EPHB1: variants seen among roughly 807,000 people sequenced by gnomAD.
EPHB1 encodes the protein ephrin type-B receptor 1.
In EPHB1, 30 loss-of-function variants were observed where a neutral mutation model predicts 94.4. That is an observed-to-expected ratio of 0.32 (90% CI 0.24 to 0.43). EPHB1 has a LOEUF of 0.43. Ranked by LOEUF, EPHB1 falls within the 20% of genes least tolerant of loss-of-function variation. The pLI is 1.00. For missense variants in EPHB1, 1,055 were observed against 1,308.3 expected (o/e 0.81, Z 2.99); for synonymous variants, 522 against 489.1 (o/e 1.07, Z -0.89).
At chr3:135,046,465 A>G (rs1375605988) in intron 3 of EPHB1, among the ~76,000 whole-genome samples, 5 of 151,054 alleles carry the variant, frequency 3.3e-5, no homozygotes, top group South Asian at 2.1e-4. Flanking sequence ...CTTAACATCT[A>G]TAAAAATTCC....
chr3:135,068,883 C>T (rs1404771115), intron 3 of EPHB1, among the ~76,000 whole-genome samples: 6 of 151,312 alleles, frequency 4.0e-5, no homozygotes, highest in Non-Finnish European at 3.0e-5. Flanking sequence ...CTCCTGACCT[C>T]GTGATCTGCC....
chr3:135,153,568 T>C (rs1941259642), intron 5 of EPHB1, among the ~76,000 whole-genome samples: 1 of 152,226 alleles, frequency 6.6e-6, no homozygotes, highest in Non-Finnish European at 1.5e-5. Context: ...CATACCTCTG[T>C]TGTTGGTCTG....
intron 3 of EPHB1, among the ~76,000 whole-genome samples, chr3:135,032,249 T>A (rs1936498207): frequency 6.6e-6 from 1 of 151,192 alleles, no homozygotes; most frequent in Admixed American, 6.6e-5. Context: ...CTTTTATTTT[T>A]TTTTTTAAAT....
At chr3:135,106,255 A>T (rs9866494) in intron 3 of EPHB1, among the ~76,000 whole-genome samples, 193 bp from the exon 4 acceptor site, 51,249 of 152,138 alleles carry the variant, frequency 0.34, 9,092 homozygotes, top group South Asian at 0.42. Flanking sequence ...TACCAAGAAG[A>T]TATATTTCAC....
intron 1 of EPHB1, among the ~76,000 whole-genome samples, chr3:134,886,848 G>A (rs2037872931): frequency 6.6e-6 from 1 of 152,076 alleles, no homozygotes; most frequent in Admixed American, 6.5e-5. Context: ...AGTGACTGAT[G>A]GAGCTGAGGA....
chr3:135,243,400 G>A (rs1389255935), intron 13 of EPHB1, among the ~76,000 whole-genome samples: 1 of 152,192 alleles, frequency 6.6e-6, no homozygotes, highest in Non-Finnish European at 1.5e-5. Flanking sequence ...TTGAGTGGAG[G>A]AGGTAAGGGA....
At chr3:135,185,944 T>C (rs1942316507) in intron 10 of EPHB1, among the ~76,000 whole-genome samples, 1 of 152,222 alleles carries the variant, frequency 6.6e-6, no homozygotes, top group Non-Finnish European at 1.5e-5. Context: ...GGAGAGAGCA[T>C]GGTCCTCATA....
At chr3:134,894,614 G>A (rs938215579) in intron 1 of EPHB1, among the ~76,000 whole-genome samples, 3 of 152,152 alleles carry the variant, frequency 2.0e-5, no homozygotes, top group Admixed American at 6.5e-5. Flanking sequence ...AGAGGGCTCT[G>A]GAAGAACAAT....
chr3:134,971,909 G>A (rs57707921), intron 3 of EPHB1, among the ~76,000 whole-genome samples: 1 of 152,132 alleles, frequency 6.6e-6, no homozygotes, highest in East Asian at 1.9e-4. Context: ...TTCAATGGGA[G>A]GAGCTGCTGA....
chr3:134,828,964 G>A (rs1203117883), intron 1 of EPHB1, among the ~76,000 whole-genome samples: 1 of 152,214 alleles, frequency 6.6e-6, no homozygotes, highest in Non-Finnish European at 1.5e-5. Flanking sequence ...AGCTGGCAGG[G>A]TTGGGGCCTT....
chr3:135,251,652 A>C (rs1933104551), intron 15 of EPHB1, among the ~76,000 whole-genome samples: 1 of 152,238 alleles, frequency 6.6e-6, no homozygotes, highest in African/African-American at 2.4e-5. Context: ...AAATTCAAGC[A>C]TGCTTCCCTA....
chr3:135,111,518 G>T (rs977729975), intron 4 of EPHB1, among the ~76,000 whole-genome samples: 1 of 152,144 alleles, frequency 6.6e-6, no homozygotes, highest in Non-Finnish European at 1.5e-5. Context: ...CTAGAAAGCT[G>T]CAGGGAGGGG....
chr3:135,073,669 CT>C (rs1236122867), intron 3 of EPHB1, among the ~76,000 whole-genome samples: 3 of 151,566 alleles, frequency 2.0e-5, no homozygotes, highest in East Asian at 1.9e-4. Flanking sequence ...GTCTTTCTCT[CT>C]TTTTTTTTAA....
At chr3:134,906,012 G>A (rs189817713) in intron 1 of EPHB1, among the ~76,000 whole-genome samples, 9 of 152,244 alleles carry the variant, frequency 5.9e-5, no homozygotes, top group African/African-American at 7.2e-5. Flanking sequence ...AGACTCTTCC[G>A]AGAGCCCAGG....
chr3:134,903,707 A>G (rs1032167258), intron 1 of EPHB1, among the ~76,000 whole-genome samples: 1 of 152,206 alleles, frequency 6.6e-6, no homozygotes, highest in Non-Finnish European at 1.5e-5. Context: ...TGGAGGGACC[A>G]AAGGTAAGAA....
At chr3:135,087,097 C>T (rs1407635150) in intron 3 of EPHB1, among the ~76,000 whole-genome samples, 1 of 152,178 alleles carries the variant, frequency 6.6e-6, no homozygotes. Flanking sequence ...TGTGTCAAAA[C>T]CCTTTAGCTC....
At chr3:135,249,199 G>A (rs1559891282) in intron 14 of EPHB1, 137 bp from the exon 15 acceptor site, 1 of 1,019,792 alleles carries the variant, frequency 9.8e-7, no homozygotes, top group Non-Finnish European at 1.4e-6. Flanking sequence ...AAGAAGAAAG[G>A]TTCAGCCCAG....
At chr3:134,923,949 A>G (rs572330823) in intron 1 of EPHB1, among the ~76,000 whole-genome samples, 1 of 152,304 alleles carries the variant, frequency 6.6e-6, no homozygotes, top group South Asian at 2.1e-4. Flanking sequence ...TTGAGTAGCT[A>G]TGCAGCTGGG....
chr3:135,118,925 G>T (rs144401082), intron 4 of EPHB1, among the ~76,000 whole-genome samples: 1 of 152,148 alleles, frequency 6.6e-6, no homozygotes, highest in African/African-American at 2.4e-5. Context: ...GAATTGCTGG[G>T]CTACGGGGTG....
Sources: gnomAD v4.1 joint callset for allele counts (sites outside exome capture counted in the v4.1 genomes callset) on GRCh38, gnomAD v4.1.1 for gene constraint, MANE v1.5 for transcripts, NCBI Gene and HGNC (gene_info 2026-07-23, HGNC 2026-07-21) for gene names.